Variants in TTC5 observed in about 807,000 individuals in gnomAD.
TTC5 encodes the protein tetratricopeptide repeat protein 5.
TTC5 carries 46 observed loss-of-function variants against 57.4 expected under a neutral mutation model. That is an observed-to-expected ratio of 0.80 (90% CI 0.63 to 1.03). The LOEUF (loss-of-function observed/expected upper bound fraction) is 1.03. Ranked by LOEUF, TTC5 falls within the 50% of genes least tolerant of loss-of-function variation. TTC5 has a pLI of 0.00. For synonymous variants in TTC5, 190 were observed against 203.5 expected (o/e 0.93, Z 0.57); for missense variants, 504 against 528.1 (o/e 0.95, Z 0.45).
chr14:20,291,336 G>A (rs1321752868), intron 9 of TTC5, among the ~76,000 whole-genome samples: 4 of 152,110 alleles, frequency 2.6e-5, no homozygotes, highest in Non-Finnish European at 5.9e-5. Flanking sequence ...GGGATTTTAC[G>A]CATGAGCCAC....
At position 20,300,604 on chromosome 14, in the gene TTC5, CACA is replaced by C; in HGVS notation, c.396_396+2del. On this transcript the variant is annotated splice_donor_variant and coding_sequence_variant, in exon 3 of 10. Coordinates refer to ENST00000258821, the MANE Select transcript of TTC5 (RefSeq NM_138376.3). LOFTEE classifies it high-confidence loss of function. ...CTTTCCAAAGGGATAGGGGGCAGCT[CACA>C]TGGGTGAGGGCTCCTGAGAAGCAGG... 1 of 1,609,318 alleles carries C rather than the reference CACA, an allele frequency of 6.2e-7. No homozygotes were observed. The highest frequency in any genetic ancestry group is 8.5e-7 in the Non-Finnish European group (1 of 1,179,252).
Position 20,288,247 on chromosome 14 carries a change from C to G in TTC5, c.*1380G>C, listed in dbSNP as rs1302130697. ...ACTTCTCTCATCAATGCATTTCTACCATCCATTCTCTGAGGAGGCCTCTGC... is the reference window on the plus strand; with the variant it reads ...ACTTCTCTCATCAATGCATTTCTACGATCCATTCTCTGAGGAGGCCTCTGC... On this transcript the variant is annotated 3_prime_UTR_variant, in exon 10 of 10. Transcript: ENST00000258821. 6.6e-6 allele frequency: 1 copy of G among 152,160 alleles called. No homozygotes were observed. Among genetic ancestry groups the G allele is most frequent in the Non-Finnish European group, 1.5e-5 (1 of 68,028 alleles). 9.4% of individuals were successfully genotyped at this position (152,160 alleles called of 1,614,324 possible). A position where few individuals can be genotyped will look rare whatever the true frequency, so the allele number is the denominator to read the frequency against.
intron 8 of TTC5, 45 bp from the exon 9 acceptor site, chr14:20,292,172 T>C (rs776639665): frequency 9.2e-6 from 13 of 1,407,288 alleles, no homozygotes; most frequent in African/African-American, 1.4e-5. Context: ...CAAAAAGGTA[T>C]GTGGGTAGGA....
Position 20,298,804 on chromosome 14 carries a change from G to T in TTC5, c.632C>A (p.Ala211Asp), listed in dbSNP as rs1253180506. Residue 211 changes from alanine (A) to aspartate (D), a missense_variant, in exon 5 of 10, where the codon GCC (alanine) becomes GAC (aspartate). Transcript: ENST00000258821. The part of the protein sequence containing the change: ...KISQQALSAY[A>D]QAEKVDRKAS... ...GTGACCATAAGTACTTACTGCTTGG[G>T]CATAGGCACTGAGGGCTTGCTGGGA... 6.2e-7 allele frequency: 1 copy of T among 1,612,140 alleles called. No individual in the cohort carries two copies. The highest frequency in any genetic ancestry group is 1.7e-5 in the Admixed American group (1 of 60,016).
chr14:20,300,529 T>C (rs1196580003), intron 3 of TTC5, 78 bp downstream of exon 3: 25 of 1,277,662 alleles, frequency 2.0e-5, no homozygotes, highest in Admixed American at 4.5e-5. Context: ...CTGGTATTCA[T>C]GTCCTAGGGA....
rs115183370 is a variant in TTC5 at position 20,298,872 on chromosome 14, T to A, written c.564A>T (p.Ser188=). The A allele has an allele frequency of 2.5e-6, 4 of 1,612,966 alleles. No individual in the cohort carries two copies. The African/African-American group carries it at 5.3e-5, about 22-fold the overall frequency. Residue 188 remains serine (S), a synonymous_variant, in exon 5 of 10, where the codon TCA becomes TCT. Coordinates refer to ENST00000258821, the MANE Select transcript of TTC5 (RefSeq NM_138376.3). ...CAGTAGAGAAGTAAAGGGAAAGATA[T>A]GAATTCCCAAGAATATCTGAAAGAG... ...DGRSWYILGN[S]YLSLYFSTGQ...
Position 20,289,476 on chromosome 14 carries a change from A to G in TTC5, c.*151T>C, listed in dbSNP as rs1028014277. The G allele has an allele frequency of 4.7e-6, 4 of 858,012 alleles. No homozygotes were observed. Among genetic ancestry groups the G allele is most frequent in the Non-Finnish European group, 5.2e-6 (3 of 582,190 alleles). 53.1% of individuals were successfully genotyped at this position (858,012 alleles called of 1,614,324 possible). On this transcript the variant is annotated 3_prime_UTR_variant, in exon 10 of 10. Transcript: ENST00000258821. Reference sequence around the variant, plus strand: ...ACATGATGAGGACAGAGGAGAGAGAAGAGATACGAAGTGTAATACAGGCAG... The same window carrying G: ...ACATGATGAGGACAGAGGAGAGAGAGGAGATACGAAGTGTAATACAGGCAG...
chr14:20,297,166 G>A (rs571124273), intron 5 of TTC5, among the ~76,000 whole-genome samples: 5 of 152,184 alleles, frequency 3.3e-5, no homozygotes, highest in South Asian at 2.1e-4. Flanking sequence ...AGACACATGC[G>A]GAATCATGTT....
In TTC5 at chr14:20,295,307, C is replaced by T; in HGVS notation, c.1058+5G>A. The stretch of plus-strand genomic sequence containing the variant: ...TAAAATGGGGGAAATCCAAGAGAAA[C>T]TCACAAGGGGACTTTCTCCTCTGTG... On this transcript the variant is annotated splice_donor_5th_base_variant and intron_variant, in intron 8 of 9. Coordinates refer to ENST00000258821, the MANE Select transcript of TTC5 (RefSeq NM_138376.3). The T allele has an allele frequency of 1.2e-6, 2 of 1,613,362 alleles. No individual in the cohort carries two copies. The highest frequency in any genetic ancestry group is 1.7e-6 in the Non-Finnish European group (2 of 1,179,316).
intron 1 of TTC5, among the ~76,000 whole-genome samples, chr14:20,303,650 A>G (rs1225786202): frequency 6.6e-6 from 1 of 152,070 alleles, no homozygotes; most frequent in Non-Finnish European, 1.5e-5. Flanking sequence ...TCCTCACTGT[A>G]GTGGGAGTGA....
intron 3 of TTC5, 198 bp downstream of exon 3, chr14:20,300,409 C>T (rs1345116044): frequency 7.1e-6 from 4 of 566,014 alleles, no homozygotes; most frequent in Non-Finnish European, 1.2e-5. Context: ...TGAACCTGAT[C>T]CCATCATCAT....
At chr14:20,291,297 A>T (rs1881947828) in intron 9 of TTC5, among the ~76,000 whole-genome samples, 2 of 152,080 alleles carry the variant, frequency 1.3e-5, no homozygotes, top group African/African-American at 4.8e-5. Flanking sequence ...GGCTCAAGTG[A>T]TCCTCCCACC....
chr14:20,305,673 G>T (rs1882275855), intron 1 of TTC5: 1 of 603,210 alleles, frequency 1.7e-6, no homozygotes. Flanking sequence ...CTTCCATACA[G>T]GACTGAAATT....
intron 8 of TTC5, chr14:20,292,611 G>A (rs1881981707): frequency 6.6e-6 from 1 of 152,292 alleles, no homozygotes; most frequent in African/African-American, 2.4e-5. Context: ...CAAGCATTGT[G>A]TTTAGCAATA....
At chr14:20,290,120 AGT>A (rs1347609610) in intron 9 of TTC5, among the ~76,000 whole-genome samples, 3 of 152,236 alleles carry the variant, frequency 2.0e-5, no homozygotes, top group Non-Finnish European at 4.4e-5. Flanking sequence ...GGCCAGAGCC[AGT>A]GGGAATCCTG....
rs116510244 is a variant in TTC5, at chr14:20,286,611, A to T, written c.*3016T>A. The T allele has an allele frequency of 6.6e-6, 1 of 152,210 alleles. No homozygotes were observed. The highest frequency in any genetic ancestry group is 2.4e-5 in the African/African-American group (1 of 41,470). The allele number at this position is 152,210 out of a possible 1,614,324, so 9.4% of individuals were successfully genotyped here. On this transcript the variant is annotated 3_prime_UTR_variant, in exon 10 of 10. Transcript: ENST00000258821. ...AAAGGACAAAATAACTTCATAAAGC[A>T]GTAGAGGGAAAATGTCCTTATGACT...
At chr14:20,294,337 C>T (rs1477811441) in intron 8 of TTC5, 1 of 152,192 alleles carries the variant, frequency 6.6e-6, no homozygotes, top group African/African-American at 2.4e-5. Context: ...CCAAAACCTA[C>T]CTTTGTCTAT....
chr14:20,297,368 C>A (rs1296102751), intron 5 of TTC5, among the ~76,000 whole-genome samples: 2 of 152,084 alleles, frequency 1.3e-5, no homozygotes, highest in African/African-American at 4.8e-5. Flanking sequence ...TTTTTTAATT[C>A]TCTTCATTAC....
At chr14:20,294,723 T>C (rs1227843563) in intron 8 of TTC5, 1 of 152,386 alleles carries the variant, frequency 6.6e-6, no homozygotes, top group Non-Finnish European at 1.5e-5. Context: ...CCGTAACTTT[T>C]CAAGATCCAA....
Sources: gnomAD v4.1 joint callset for allele counts (sites outside exome capture counted in the v4.1 genomes callset) on GRCh38, gnomAD v4.1.1 for gene constraint, MANE v1.5 for transcripts, NCBI Gene and HGNC (gene_info 2026-07-23, HGNC 2026-07-21) for gene names.